The following PRG4 variants were observed in gnomAD, a reference collection of about 807,000 sequenced individuals.
PRG4 encodes proteoglycan 4, also known as articular superficial zone protein.
PRG4 carries 61 observed loss-of-function variants against 91.2 expected under a neutral mutation model. That is an observed-to-expected ratio of 0.67 (90% CI 0.54 to 0.83). PRG4 has a LOEUF of 0.83. PRG4 is among the 40% of genes least tolerant of loss of function. The pLI is 0.00. For missense variants in PRG4, 1,564 were observed against 1,714.2 expected (o/e 0.91, Z 1.55); for synonymous variants, 576 against 614.2 (o/e 0.94, Z 0.92).
chr1:186,310,783 G>C (rs1425827831), intron 8 of PRG4, among the ~76,000 whole-genome samples: 1 of 151,460 alleles, frequency 6.6e-6, no homozygotes, highest in Non-Finnish European at 1.5e-5. Flanking sequence ...TTACAGGTGT[G>C]AGCCACTGCA....
chr1:186,309,134 C>CT lies in PRG4; in HGVS notation c.3418dup (p.Ser1140PhefsTer3). On this transcript the variant is annotated frameshift_variant, in exon 7 of 13. Coordinates refer to ENST00000445192, the MANE Select transcript of PRG4 (RefSeq NM_005807.6). LOFTEE classifies it high-confidence loss of function. ...TCAAGGCATTATCATCAATCCCATG[C>CT]TTTCCGGTATTAAGAATCAGTTATT... The CT allele has an allele frequency of 6.2e-7, 1 of 1,610,948 alleles. No homozygotes were observed. Among genetic ancestry groups the CT allele is most frequent in the African/African-American group, 1.3e-5 (1 of 74,926 alleles).
chr1:186,312,252 C>T lies in PRG4; in HGVS notation c.3871C>T (p.Pro1291Ser). Residue 1291 changes from proline (P) to serine (S), a missense_variant, in exon 11 of 13, where the codon CCA becomes TCA. This residue lies in a region of PRG4 where 1,079 missense variants were observed against 1,162.2 expected (regional missense o/e 0.93). Coordinates refer to ENST00000445192, the MANE Select transcript of PRG4 (RefSeq NM_005807.6). The stretch of plus-strand genomic sequence containing the variant: ...TGGAAGAAGGCCTGCTCTAAATTAT[C>T]CAGTGTATGGAGAAACGACACAGGT... ...CPGRRPALNY[P>S]VYGETTQVRR... is the part of the protein sequence containing the mutation. 6.2e-7 allele frequency: 1 copy of T among 1,613,984 alleles called. No individual in the cohort carries two copies. The highest frequency in any genetic ancestry group is 1.1e-5 in the South Asian group (1 of 91,082).
chr1:186,306,027 T>C (rs1340539009), intron 6 of PRG4, among the ~76,000 whole-genome samples: 1 of 152,176 alleles, frequency 6.6e-6, no homozygotes, highest in Non-Finnish European at 1.5e-5. Flanking sequence ...TATAAACAGA[T>C]GAATTAGTGT....
At chr1:186,313,176 G>A (rs1478244816) in intron 12 of PRG4, 2 of 451,772 alleles carry the variant, frequency 4.4e-6, no homozygotes, top group Non-Finnish European at 8.2e-6. Context: ...ATCATTTGTG[G>A]CATTTAACAG....
rs1355298124 is a variant in PRG4, at chr1:186,314,222, T to C, written c.*444T>C. On this transcript the variant is annotated 3_prime_UTR_variant, in exon 13 of 13. Transcript: ENST00000445192. Reference sequence around the variant, plus strand: ...TGACACAAGTACAATCTAAAAGTTATATTGGAAAACATGGAAATATTAAAA... The same window carrying C: ...TGACACAAGTACAATCTAAAAGTTACATTGGAAAACATGGAAATATTAAAA... The C allele has an allele frequency of 1.2e-5, 6 of 516,936 alleles. No homozygotes were observed. In the Admixed American group the frequency reaches 1.8e-4, roughly 16 times the overall value. 32.0% of individuals were successfully genotyped at this position (516,936 alleles called of 1,614,324 possible). A position where few individuals can be genotyped will look rare whatever the true frequency, so the allele number is the denominator to read the frequency against.
In PRG4 at chr1:186,306,930, C is replaced by G. The variant is rs148599494; in HGVS notation, c.1211C>G (p.Pro404Arg). The change falls in exon 7 of 13, where the codon CCT (proline) becomes CGT (arginine). Residue 404 changes from proline (P) to arginine (R), a missense_variant. Transcript: ENST00000445192. ...KEPAPTTTKE[P>R]APTTPKEPAP... is the part of the protein sequence containing the mutation. ...CCTGCACCCACCACCACCAAGGAGC[C>G]TGCACCCACCACTCCCAAGGAGCCT... The G allele has an allele frequency of 3.1e-4, 489 of 1,602,566 alleles. 1 individual carries two copies. The African/African-American group carries it at 6.1e-3, about 20-fold the overall frequency.
intron 3 of PRG4, 78 bp downstream of exon 3, chr1:186,300,291 T>C (rs1656120970): frequency 6.3e-7 from 1 of 1,577,284 alleles, no homozygotes; most frequent in Admixed American, 1.7e-5. Flanking sequence ...CCTCGTGCAG[T>C]GCTGTGAGAC....
rs1292927101 is a variant in PRG4, at chr1:186,306,893, A to C, written c.1174A>C (p.Thr392Pro). The C allele has an allele frequency of 1.1e-5, 18 of 1,607,580 alleles. No individual in the cohort carries two copies. The highest frequency in any genetic ancestry group is 1.5e-5 in the Non-Finnish European group (18 of 1,177,824). Residue 392 changes from threonine to proline, a missense_variant, in exon 7 of 13, where the codon ACT (threonine) becomes CCT (proline). By Grantham distance (38) the Thr-to-Pro change is conservative. Around this residue, in one of 3 missense-constraint regions of PRG4, gnomAD observed 437 missense variants for 459.0 expected, o/e 0.95. Coordinates refer to ENST00000445192, the MANE Select transcript of PRG4 (RefSeq NM_005807.6). ...CACCACCACCAAGTCTGCACCCACC[A>C]CTCCCAAGGAGCCTGCACCCACCAC... ...APTTTKSAPT[T>P]PKEPAPTTTK...
At position 186,300,222 on chromosome 1, in the gene PRG4, T is replaced by C; in HGVS notation, c.199+9T>C. Reference sequence around the variant, plus strand: ...GAGAGTCTGCACTGCGGGTAAGTCCTGAGAGCGGGTGTCTCCTCTGTCAAG... The same window carrying C: ...GAGAGTCTGCACTGCGGGTAAGTCCCGAGAGCGGGTGTCTCCTCTGTCAAG... On this transcript the variant is annotated intron_variant, in intron 3 of 12. Transcript: ENST00000445192. 1 of 1,613,842 alleles carries C rather than the reference T, an allele frequency of 6.2e-7. No individual in the cohort carries two copies. The highest frequency in any genetic ancestry group is 8.5e-7 in the Non-Finnish European group (1 of 1,180,018).
intron 4 of PRG4, among the ~76,000 whole-genome samples, chr1:186,301,959 T>C (rs1256784649): frequency 1.3e-5 from 2 of 152,156 alleles, no homozygotes. Flanking sequence ...ACATAGAGGA[T>C]GAGGCTGAAT....
In PRG4 at chr1:186,306,996, A is replaced by C; in HGVS notation, c.1277A>C (p.Lys426Thr). Residue 426 changes from lysine to threonine, a missense_variant, in exon 7 of 13, where the codon AAG becomes ACG. By Grantham distance (78) the Lys-to-Thr change is moderately conservative. Transcript: ENST00000445192. The part of the protein sequence containing the change: ...TTKEPAPTTT[K>T]SAPTTPKEPA... ...AAGGAGCCTGCACCCACCACCACCA[A>C]GTCTGCACCCACCACTCCCAAGGAG... 2 of 1,596,986 alleles carry C rather than the reference A, an allele frequency of 1.3e-6. No homozygotes were observed. The highest frequency in any genetic ancestry group is 3.5e-4 in the Middle Eastern group (2 of 5,758).
chr1:186,307,292 A>C lies in PRG4; in HGVS notation c.1573A>C (p.Thr525Pro). The change falls in exon 7 of 13, where the codon ACC becomes CCC. Residue 525 changes from threonine to proline, a missense_variant. Transcript: ENST00000445192. Reference protein sequence around the residue: ...SPTTPKEPAPTTTKSAPTTTK... With the variant: ...SPTTPKEPAPPTTKSAPTTTK... ...CACCACTCCCAAGGAGCCTGCACCC[A>C]CCACCACCAAGTCTGCACCCACCAC... 3 of 1,591,268 alleles carry C rather than the reference A, an allele frequency of 1.9e-6. No homozygotes were observed. The highest frequency in any genetic ancestry group is 3.5e-5 in the Admixed American group (2 of 57,758).
rs80243887 is a variant in PRG4, at chr1:186,297,023, C to T, written c.76+72C>T. The T allele has an allele frequency of 5.7e-4, 747 of 1,314,366 alleles. 3 individuals are homozygous for T. Among genetic ancestry groups the T allele is most frequent in the Middle Eastern group, 5.5e-4 (3 of 5,474 alleles). The allele number at this position is 1,314,366 out of a possible 1,614,324, so 81.4% of individuals were successfully genotyped here. On this transcript the variant is annotated intron_variant, in intron 2 of 12. Coordinates refer to ENST00000445192, the MANE Select transcript of PRG4 (RefSeq NM_005807.6). ...CATTCAGTCTTGATTTTTATAACAA[C>T]GGAAATATATTTCTAAAAATTTATA...
rs992719025 is a variant in PRG4 at position 186,314,550 on chromosome 1, G to A, written c.*772G>A. 17 of 1,091,986 alleles carry A rather than the reference G, an allele frequency of 1.6e-5. No homozygotes were observed. The highest frequency in any genetic ancestry group is 2.1e-5 in the Non-Finnish European group (16 of 762,244). The allele number at this position is 1,091,986 out of a possible 1,614,324, so 67.6% of individuals were successfully genotyped here. A position where few individuals can be genotyped will look rare whatever the true frequency, so the allele number is the denominator to read the frequency against. The stretch of plus-strand genomic sequence containing the variant: ...TGGAACATTAAAAAAATAAATTGGA[G>A]GCTTAAGGATTAGAAAACTTGTTCC... On this transcript the variant is annotated 3_prime_UTR_variant, in exon 13 of 13. Transcript: ENST00000445192.
Position 186,307,639 on chromosome 1 carries a change from C to G in PRG4, c.1920C>G (p.Pro640=). 1 of 1,533,362 alleles carries G rather than the reference C, an allele frequency of 6.5e-7. No homozygotes were observed. Among genetic ancestry groups the G allele is most frequent in the African/African-American group, 1.5e-5 (1 of 65,544 alleles). The allele number at this position is 1,533,362 out of a possible 1,614,324, so 95.0% of individuals were successfully genotyped here. Residue 640 remains proline (P), a synonymous_variant, in exon 7 of 13, where the codon CCC becomes CCG. Coordinates refer to ENST00000445192, the MANE Select transcript of PRG4 (RefSeq NM_005807.6). ...EKLAPTTPEK[P]APTTPEELAP... ...TCGCACCCACCACCCCTGAGAAGCC[C>G]GCACCCACCACCCCTGAGGAGCTCG...
chr1:186,304,181 A>C lies in PRG4; in HGVS notation c.393A>C (p.Ser131=), dbSNP rs374987733. 6.2e-7 allele frequency: 1 copy of C among 1,613,740 alleles called. No individual in the cohort carries two copies. Among genetic ancestry groups the C allele is most frequent in the Non-Finnish European group, 8.5e-7 (1 of 1,179,696 alleles). The change falls in exon 5 of 13, where the codon TCA becomes TCC. Residue 131 remains serine (S), a synonymous_variant. Coordinates refer to ENST00000445192, the MANE Select transcript of PRG4 (RefSeq NM_005807.6). ...PPSGASQTIK[S]TTKRSPKPPN... ...CAGGAGCATCTCAAACCATCAAATC[A>C]ACAACCAAACGTTCACCCAAACCAC...
At position 186,309,077 on chromosome 1, in the gene PRG4, C is replaced by T. The variant is rs746461996; in HGVS notation, c.3358C>T (p.Pro1120Ser). 2 of 1,614,008 alleles carry T rather than the reference C, an allele frequency of 1.2e-6. No homozygotes were observed. The highest frequency in any genetic ancestry group is 2.2e-5 in the South Asian group (2 of 91,070). The change falls in exon 7 of 13, where the codon CCC (proline) becomes TCC (serine). Residue 1120 changes from proline to serine, a missense_variant. This residue lies in a region of PRG4 where 1,079 missense variants were observed against 1,162.2 expected (regional missense o/e 0.93). Transcript: ENST00000445192. ...CCATGTGTTCATGCCTGAAGTTACT[C>T]CCGACATGGATTACTTACCGAGAGT... ...RPHVFMPEVT[P>S]DMDYLPRVPN...
chr1:186,311,533 G>C lies in PRG4; in HGVS notation c.3730G>C (p.Val1244Leu), dbSNP rs550560270. 1.9e-6 allele frequency: 3 copies of C among 1,614,050 alleles called. No homozygotes were observed. The highest frequency in any genetic ancestry group is 2.5e-6 in the Non-Finnish European group (3 of 1,179,956). The change falls in exon 10 of 13, where the codon GTG (valine) becomes CTG (leucine). Residue 1244 changes from valine (V) to leucine (L), a missense_variant. Around this residue, in one of 3 missense-constraint regions of PRG4, gnomAD observed 1,079 missense variants for 1,162.2 expected, o/e 0.93. Transcript: ENST00000445192. ...KGFGGLTGQI[V>L]AALSTAKYKN... ...ATTTGGAGGACTAACTGGACAAATAGTGGCAGCGCTTTCAACAGCTAAATA... is the reference window on the plus strand; with the variant it reads ...ATTTGGAGGACTAACTGGACAAATACTGGCAGCGCTTTCAACAGCTAAATA...
intron 6 of PRG4, among the ~76,000 whole-genome samples, chr1:186,305,168 G>T (rs1656477559): frequency 6.6e-6 from 1 of 152,172 alleles, no homozygotes; most frequent in African/African-American, 2.4e-5. Context: ...CCACAAGATG[G>T]CACCAGAGAT....
Sources: gnomAD v4.1 joint callset for allele counts (sites outside exome capture counted in the v4.1 genomes callset) on GRCh38, gnomAD v4.1.1 for gene constraint, gnomAD v4.1.1 regional missense constraint, MANE v1.5 for transcripts, NCBI Gene and HGNC (gene_info 2026-07-23, HGNC 2026-07-21) for gene names.